DPY19L2: variants seen among roughly 807,000 people sequenced by gnomAD.
DPY19L2 encodes the protein dpy-19 like 2.
A neutral mutation model predicts 97.9 loss-of-function variants in DPY19L2; 34 were observed. The ratio of observed to expected loss-of-function variants is 0.35; its 90% CI spans 0.26 to 0.46. The LOEUF is 0.46. Ranked by LOEUF, DPY19L2 falls within the 20% of genes least tolerant of loss-of-function variation. DPY19L2 has a pLI of 1.00. For synonymous variants in DPY19L2, 230 were observed against 307.9 expected, an observed-to-expected ratio of 0.75 and a Z score of 2.65; for missense variants, 623 against 911.4, an observed-to-expected ratio of 0.68 and a Z score of 4.07.
chr12:63,580,284 C>T (rs1880640288), intron 19 of DPY19L2, among the ~76,000 whole-genome samples: 1 of 152,188 alleles, frequency 6.6e-6, no homozygotes, highest in East Asian at 1.9e-4. Context: ...TCTGCTGTAG[C>T]CTGGCACAAG....
intron 2 of DPY19L2, among the ~76,000 whole-genome samples, chr12:63,664,481 G>A (rs1425517245): frequency 6.6e-6 from 1 of 152,072 alleles, no homozygotes; most frequent in Non-Finnish European, 1.5e-5. Context: ...TGATTCTAAT[G>A]TACTGGCCTT....
rs1172337957 is a variant in DPY19L2, at chr12:63,664,809, C to CT, written c.363-965dup. On this transcript the variant is annotated intron_variant, in intron 2 of 21. Coordinates refer to ENST00000324472, the MANE Select transcript of DPY19L2 (RefSeq NM_173812.5). ...ATATTAACCCTGTTTTCCACTAACC[C>CT]TTCTTTACATGTAGGCCATATGCCA... Among the ~76,000 whole-genome samples the CT allele has an allele frequency of 1.3e-5, 2 of 152,104 alleles. 1 individual carries two copies. Among genetic ancestry groups the CT allele is most frequent in the African/African-American group, 4.8e-5 (2 of 41,410 alleles).
In DPY19L2 at chr12:63,594,097, T is replaced by A. The variant is rs139383735; in HGVS notation, c.1570A>T (p.Ile524Phe). ...RDISYVLATNIYLRKQLLEHS... is the reference protein window; with the variant it reads ...RDISYVLATNFYLRKQLLEHS... ...TGATGATATAATTACCTTAGATAAATGTTTGTAGCTAAAACATATGAAATA... is the reference window on the plus strand; with the variant it reads ...TGATGATATAATTACCTTAGATAAAAGTTTGTAGCTAAAACATATGAAATA... Residue 524 changes from isoleucine (I) to phenylalanine (F), a missense_variant, in exon 16 of 22, where the codon ATT (isoleucine) becomes TTT (phenylalanine). Physicochemically the swap from Ile to Phe is conservative, Grantham distance 21 (BLOSUM62 0). Transcript: ENST00000324472. 412 of 1,537,944 alleles carry A rather than the reference T, an allele frequency of 2.7e-4. 3 individuals are homozygous for A. In the African/African-American group the frequency reaches 4.9e-3, roughly 18 times the overall value.
intron 21 of DPY19L2, among the ~76,000 whole-genome samples, chr12:63,560,907 A>T (rs1876368813): frequency 6.6e-6 from 1 of 152,250 alleles, no homozygotes; most frequent in Non-Finnish European, 1.5e-5. Flanking sequence ...TTCAATATAC[A>T]TTCATAAATA....
chr12:63,608,040 TA>T (rs1414898103), intron 12 of DPY19L2, among the ~76,000 whole-genome samples: 4 of 152,192 alleles, frequency 2.6e-5, no homozygotes, highest in African/African-American at 9.7e-5. Context: ...TAACTTATTT[TA>T]CTAGGAAACC....
At chr12:63,639,021 A>G (rs982664462) in intron 6 of DPY19L2, among the ~76,000 whole-genome samples, 2 of 152,148 alleles carry the variant, frequency 1.3e-5, no homozygotes, top group Non-Finnish European at 2.9e-5. Context: ...GATCAATGGA[A>G]CAGAACAGAG....
At chr12:63,598,885 T>G (rs2137547924) in intron 13 of DPY19L2, among the ~76,000 whole-genome samples, 1 of 151,770 alleles carries the variant, frequency 6.6e-6, no homozygotes, top group Middle Eastern at 3.4e-3. Flanking sequence ...TTTTTTTAAT[T>G]TGTAGGGCAG....
At chr12:63,583,732 G>A (rs866389507) in intron 17 of DPY19L2, 80 bp downstream of exon 17, 3 of 1,437,432 alleles carry the variant, frequency 2.1e-6, no homozygotes, top group South Asian at 1.2e-5. Context: ...TGCATCAGCA[G>A]CAAGGTTATA....
intron 19 of DPY19L2, among the ~76,000 whole-genome samples, chr12:63,573,319 A>G (rs889283447): frequency 1.1e-4 from 17 of 152,102 alleles, no homozygotes; most frequent in Non-Finnish European, 1.6e-4. Context: ...TGAAGAATGT[A>G]TCAGTCTTTT....
chr12:63,651,336 AC>A (rs1894198071), intron 4 of DPY19L2, among the ~76,000 whole-genome samples: 1 of 152,132 alleles, frequency 6.6e-6, no homozygotes, highest in African/African-American at 2.4e-5. Flanking sequence ...CTGGACATAG[AC>A]CCTGGCAAAA....
Position 63,580,790 on chromosome 12 carries a change from A to C in DPY19L2, c.1772T>G (p.Phe591Cys), listed in dbSNP as rs1880734452. The change falls in exon 19 of 22, where the codon TTT becomes TGT. Residue 591 changes from phenylalanine to cysteine, a missense_variant. This residue lies in a region of DPY19L2 where 294 missense variants were observed against 446.2 expected (regional missense o/e 0.66). Transcript: ENST00000324472. ...FRRVRFEKVIFGILTVMSIQG... is the reference protein window; with the variant it reads ...FRRVRFEKVICGILTVMSIQG... ...TATTGACATCACTGTTAAAATGCCA[A>C]AGATAACCTTCTCAAAACGAACTCT... The C allele has an allele frequency of 6.2e-7, 1 of 1,613,430 alleles. No individual in the cohort carries two copies.
chr12:63,564,603 G>A lies in DPY19L2; in HGVS notation c.2127-3941C>T, dbSNP rs76809513. The stretch of plus-strand genomic sequence containing the variant: ...TGTAGTCAGAGATTGTATTTTACAT[G>A]ATCTAAAGTATTTTAAATGTGTCAA... On this transcript the variant is annotated intron_variant, in intron 21 of 21. Transcript: ENST00000324472. Among the ~76,000 whole-genome samples, 388 of 152,178 alleles carry A rather than the reference G, an allele frequency of 2.5e-3. 16 individuals carry two copies. In the East Asian group the frequency reaches 0.068, roughly 27 times the overall value.
intron 15 of DPY19L2, 99 bp from the exon 16 acceptor site, chr12:63,594,232 T>C: frequency 1.1e-6 from 1 of 932,368 alleles, no homozygotes; most frequent in Non-Finnish European, 1.6e-6. Context: ...AGGAAAGAAG[T>C]ATTTTTTAAT....
At position 63,594,491 on chromosome 12, in the gene DPY19L2, G is replaced by GTGTGTGTGTGTGTGTGTGTGTA. The variant is rs58963302; in HGVS notation, c.1534-359_1534-358insTACACACACACACACACACACA. On this transcript the variant is annotated intron_variant, in intron 15 of 21. Transcript: ENST00000324472. Reference sequence around the variant, plus strand: ...TGTGTGTGTGTGTGTGTGTGTGTGTGTATGAAACTTGGCCGGCTACAGGGA... The same window carrying GTGTGTGTGTGTGTGTGTGTGTA: ...TGTGTGTGTGTGTGTGTGTGTGTGTGTGTGTGTGTGTGTGTGTGTGTATATGAAACTTGGCCGGCTACAGGGA... Among the ~76,000 whole-genome samples, 191 of 144,590 alleles carry GTGTGTGTGTGTGTGTGTGTGTA rather than the reference G, an allele frequency of 1.3e-3. 6 individuals carry two copies. The highest frequency in any genetic ancestry group is 4.9e-3 in the African/African-American group (182 of 37,090). 94.9% of individuals were successfully genotyped at this position (144,590 alleles called of 152,430 possible).
In DPY19L2 at chr12:63,603,462, C is replaced by T. The variant is rs1885520865; in HGVS notation, c.1279-3076G>A. Among the ~76,000 whole-genome samples, 2 of 152,152 alleles carry T rather than the reference C, an allele frequency of 1.3e-5. 1 individual carries two copies. Among genetic ancestry groups the T allele is most frequent in the African/African-American group, 4.8e-5 (2 of 41,432 alleles). Reference sequence around the variant, plus strand: ...CATGGTGGTTTCCTGCACCTATCAACCCATTACCTAGGTATTAAGCCCAGC... The same window carrying T: ...CATGGTGGTTTCCTGCACCTATCAATCCATTACCTAGGTATTAAGCCCAGC... On this transcript the variant is annotated intron_variant, in intron 12 of 21. Transcript: ENST00000324472.
At chr12:63,588,597 A>G (rs1219804624) in intron 16 of DPY19L2, among the ~76,000 whole-genome samples, 1 of 152,032 alleles carries the variant, frequency 6.6e-6, no homozygotes, top group African/African-American at 2.4e-5. Context: ...ATAATCCCCA[A>G]AATATTTTTA....
intron 16 of DPY19L2, among the ~76,000 whole-genome samples, chr12:63,591,788 C>T (rs1882971075): frequency 6.6e-6 from 1 of 150,582 alleles, no homozygotes; most frequent in African/African-American, 2.4e-5. Flanking sequence ...CAAAAAAATA[C>T]AAAAATTAGC....
intron 6 of DPY19L2, among the ~76,000 whole-genome samples, chr12:63,633,617 G>C (rs1364939495): frequency 6.6e-6 from 1 of 152,126 alleles, no homozygotes; most frequent in Non-Finnish European, 1.5e-5. Context: ...CTGTTGGTGG[G>C]ACTGTAAACT....
intron 19 of DPY19L2, among the ~76,000 whole-genome samples, chr12:63,574,814 A>G (rs112137211): frequency 0.018 from 2,790 of 152,138 alleles, 76 homozygotes; most frequent in African/African-American, 0.063. Flanking sequence ...TATAAAGCAA[A>G]TATTATCAGA....
Sources: allele counts gnomAD v4.1 joint callset (sites outside exome capture counted in the v4.1 genomes callset), GRCh38; gene constraint gnomAD v4.1.1; regional missense constraint gnomAD v4.1.1; transcripts MANE v1.5; gene names NCBI Gene and HGNC (gene_info 2026-07-23, HGNC 2026-07-21).